Variants in PLGRKT observed in about 807,000 individuals in gnomAD.
The protein encoded by PLGRKT is plasminogen receptor (KT).
In PLGRKT, 22 loss-of-function variants were observed where a neutral mutation model predicts 18.5. The observed-to-expected ratio is 1.19, with a 90% confidence interval of 0.85 to 1.70. PLGRKT has a LOEUF of 1.70. PLGRKT is among the 40% of genes most tolerant of loss of function. The probability of loss-of-function intolerance (pLI) is 0.00; values close to 1 mark genes in which losing one functional copy is unlikely to be tolerated. For missense variants in PLGRKT, 235 were observed against 174.4 expected (o/e 1.35, Z -1.96); for synonymous variants, 72 against 52.8 (o/e 1.36, Z -1.58).
intron 3 of PLGRKT, among the ~76,000 whole-genome samples, chr9:5,408,676 G>A (rs968079014): frequency 6.6e-6 from 1 of 152,230 alleles, no homozygotes; most frequent in Non-Finnish European, 1.5e-5. Context: ...GTAAAGAGGA[G>A]CCAAGTCTAA....
chr9:5,406,389 GA>G (rs1818257472), intron 3 of PLGRKT, among the ~76,000 whole-genome samples: 1 of 152,164 alleles, frequency 6.6e-6, no homozygotes, highest in Non-Finnish European at 1.5e-5. Context: ...ACTGGATAAA[GA>G]AAGTGTGGTA....
In PLGRKT at chr9:5,433,185, C is replaced by T. The variant is rs550107196; in HGVS notation, c.-6-1202G>A. The stretch of plus-strand genomic sequence containing the variant: ...GAAGTGAGGAGTGCCTCTGCCCGGC[C>T]GCCACCCCGTCTAGGAAGTGAGGAG... On this transcript the variant is annotated intron_variant, in intron 2 of 5. Transcript: ENST00000223864. Among the ~76,000 whole-genome samples, 1,249 of 146,980 alleles carry T rather than the reference C, an allele frequency of 8.5e-3. 25 individuals carry two copies. Among genetic ancestry groups the T allele is most frequent in the East Asian group, 0.08 (382 of 4,798 alleles).
chr9:5,436,982 A>G (rs1213683054), intron 1 of PLGRKT, among the ~76,000 whole-genome samples: 1 of 152,140 alleles, frequency 6.6e-6, no homozygotes, highest in East Asian at 1.9e-4. Context: ...GTAAAAAAAA[A>G]TGTCTTGCTA....
At chr9:5,406,239 C>G (rs982278428) in intron 3 of PLGRKT, among the ~76,000 whole-genome samples, 1 of 152,130 alleles carries the variant, frequency 6.6e-6, no homozygotes, top group Non-Finnish European at 1.5e-5. Context: ...TACCATTTGA[C>G]CCAGCAATCC....
intron 3 of PLGRKT, among the ~76,000 whole-genome samples, chr9:5,394,271 G>T (rs1818003417): frequency 6.6e-6 from 1 of 151,764 alleles, no homozygotes. Context: ...AGGCAGAGGA[G>T]GCAGACATAT....
rs1166411766 is a variant in PLGRKT at position 5,437,910 on chromosome 9, G to A, written c.-254C>T. ...GCGTCGGGATTGGCGCCCAGACACA[G>A]TAGATGACGCACCTCAGCCAATTCG... On this transcript the variant is annotated 5_prime_UTR_variant, in exon 1 of 6. Coordinates refer to ENST00000223864, the MANE Select transcript of PLGRKT (RefSeq NM_018465.4). 6.6e-6 allele frequency: 1 copy of A among 152,308 alleles called. No homozygotes were observed. The allele number at this position is 152,308 out of a possible 1,614,324, so 9.4% of individuals were successfully genotyped here. A position where few individuals can be genotyped will look rare whatever the true frequency, so the allele number is the denominator to read the frequency against.
intron 3 of PLGRKT, among the ~76,000 whole-genome samples, chr9:5,389,914 G>T (rs1175450665): frequency 6.6e-6 from 1 of 151,840 alleles, no homozygotes; most frequent in South Asian, 2.1e-4. Flanking sequence ...TGAACTGCCA[G>T]GAGAAATATC....
chr9:5,409,322 T>C (rs940928773), intron 3 of PLGRKT, among the ~76,000 whole-genome samples: 4 of 152,174 alleles, frequency 2.6e-5, no homozygotes, highest in Admixed American at 2.0e-4. Context: ...CAGCTGCCAG[T>C]GAATATAAAG....
intron 3 of PLGRKT, among the ~76,000 whole-genome samples, chr9:5,430,488 A>T (rs1470229484): frequency 6.6e-6 from 1 of 152,274 alleles, no homozygotes; most frequent in Non-Finnish European, 1.5e-5. Context: ...CATTAAAAAC[A>T]ATAATAGTAA....
At chr9:5,425,267 T>A (rs1818674597) in intron 3 of PLGRKT, among the ~76,000 whole-genome samples, 1 of 151,910 alleles carries the variant, frequency 6.6e-6, no homozygotes, top group Admixed American at 6.6e-5. Context: ...TTTAGAGGAG[T>A]TTTTAGATGA....
chr9:5,401,591 A>G (rs1004760358), intron 3 of PLGRKT, among the ~76,000 whole-genome samples: 5 of 151,944 alleles, frequency 3.3e-5, no homozygotes, highest in Non-Finnish European at 5.9e-5. Flanking sequence ...TTTTTTAAGC[A>G]GAGCCTTCCA....
chr9:5,420,722 C>T (rs1380381992), intron 3 of PLGRKT, among the ~76,000 whole-genome samples: 3 of 152,190 alleles, frequency 2.0e-5, no homozygotes, highest in Admixed American at 6.5e-5. Flanking sequence ...TTCTTCTCCT[C>T]CACCTACTCT....
At chr9:5,359,540 T>C (rs1203064728) in intron 5 of PLGRKT, among the ~76,000 whole-genome samples, 2 of 152,210 alleles carry the variant, frequency 1.3e-5, no homozygotes, top group Non-Finnish European at 2.9e-5. Flanking sequence ...GTTTTCCACG[T>C]GAGAGAGCCT....
At chr9:5,380,804 T>C (rs1000592295) in intron 3 of PLGRKT, among the ~76,000 whole-genome samples, 2 of 152,186 alleles carry the variant, frequency 1.3e-5, no homozygotes, top group Non-Finnish European at 1.5e-5. Flanking sequence ...GAATGACTCA[T>C]CCCCTAATAT....
intron 3 of PLGRKT, among the ~76,000 whole-genome samples, chr9:5,364,570 G>A (rs914871932): frequency 5.3e-5 from 8 of 152,200 alleles, no homozygotes; most frequent in Non-Finnish European, 1.2e-4. Flanking sequence ...TAATCTGACT[G>A]TGCTACAAAT....
intron 3 of PLGRKT, among the ~76,000 whole-genome samples, chr9:5,395,466 T>G: frequency 6.6e-6 from 1 of 152,046 alleles, no homozygotes; most frequent in East Asian, 1.9e-4. Context: ...TGACCATTGA[T>G]GTAAATAACT....
chr9:5,401,129 T>C (rs1818145999), intron 3 of PLGRKT, among the ~76,000 whole-genome samples: 2 of 151,828 alleles, frequency 1.3e-5, no homozygotes, highest in African/African-American at 2.4e-5. Flanking sequence ...AGGTGGCCAA[T>C]AGGGGAATTT....
At chr9:5,409,917 T>C (rs1011914295) in intron 3 of PLGRKT, among the ~76,000 whole-genome samples, 1 of 152,194 alleles carries the variant, frequency 6.6e-6, no homozygotes, top group African/African-American at 2.4e-5. Context: ...TCCAGAAACA[T>C]TCTAAGGCAT....
chr9:5,409,773 C>T (rs1380563978), intron 3 of PLGRKT, among the ~76,000 whole-genome samples: 1 of 152,196 alleles, frequency 6.6e-6, no homozygotes, highest in East Asian at 1.9e-4. Flanking sequence ...GACTGCCCTG[C>T]TGGGTTTTAG....
Sources: gnomAD v4.1 joint callset for allele counts (sites outside exome capture counted in the v4.1 genomes callset) on GRCh38, gnomAD v4.1.1 for gene constraint, MANE v1.5 for transcripts, NCBI Gene and HGNC (gene_info 2026-07-23, HGNC 2026-07-21) for gene names.